The following RTN1 variants were observed in gnomAD, a reference collection of about 807,000 sequenced individuals.
RTN1 encodes reticulon 1.
A neutral mutation model predicts 65.5 loss-of-function variants in RTN1; 25 were observed. The observed-to-expected ratio is 0.38, with a 90% CI of 0.28 to 0.53. The LOEUF is 0.53. Ranked by LOEUF, RTN1 falls within the 20% of genes least tolerant of loss-of-function variation. RTN1 has a pLI of 0.79. For missense variants in RTN1, 983 were observed against 1,025.4 expected (o/e 0.96, Z 0.57); for synonymous variants, 471 against 447.6 (o/e 1.05, Z -0.66).
chr14:59,867,734 A>G (rs753755058), intron 1 of RTN1, among the ~76,000 whole-genome samples: 1 of 152,218 alleles, frequency 6.6e-6, no homozygotes, highest in Non-Finnish European at 1.5e-5. Flanking sequence ...TCTGTCTTAT[A>G]TTTCCATCTA....
chr14:59,809,712 T>C (rs1886695174), intron 1 of RTN1, among the ~76,000 whole-genome samples: 1 of 152,172 alleles, frequency 6.6e-6, no homozygotes, highest in South Asian at 2.1e-4. Flanking sequence ...GTCACAGGAC[T>C]TTTCATGTGA....
At chr14:59,678,491 G>A (rs766468307) in intron 3 of RTN1, among the ~76,000 whole-genome samples, 7 of 152,252 alleles carry the variant, frequency 4.6e-5, no homozygotes, top group East Asian at 1.9e-4. Context: ...AGGGGCCAGC[G>A]CACTCAGATT....
intron 2 of RTN1, among the ~76,000 whole-genome samples, chr14:59,728,995 T>C (rs1307537492): frequency 1.3e-5 from 2 of 151,934 alleles, no homozygotes; most frequent in Non-Finnish European, 2.9e-5. Context: ...AAAAGTAGAG[T>C]AGGGTAAGGA....
At position 59,668,066 on chromosome 14, in the gene RTN1, C is replaced by G. The variant is rs888058609; in HGVS notation, c.1765+58853G>C. ...TAGATTCAATGTCATCCCCATCAAG[C>G]TAACATTGATTTTCTTCACAGAATT... On this transcript the variant is annotated intron_variant, in intron 3 of 8. Transcript: ENST00000267484. 4.1e-4 allele frequency among the ~76,000 whole-genome samples: 62 copies of G among 152,140 alleles called. 1 individual carries two copies. The highest frequency in any genetic ancestry group is 5.9e-5 in the Non-Finnish European group (4 of 68,032).
chr14:59,789,377 T>A (rs541760546), intron 1 of RTN1, among the ~76,000 whole-genome samples: 1 of 152,288 alleles, frequency 6.6e-6, no homozygotes, highest in South Asian at 2.1e-4. Flanking sequence ...CCTATTCTGG[T>A]AAAAGTTACT....
intron 1 of RTN1, among the ~76,000 whole-genome samples, chr14:59,764,950 G>T (rs1885821895): frequency 6.6e-6 from 1 of 152,012 alleles, no homozygotes; most frequent in Admixed American, 6.5e-5. Flanking sequence ...CAATTCTTTT[G>T]CTATTCTAAA....
chr14:59,709,554 A>G (rs1451704911), intron 3 of RTN1, among the ~76,000 whole-genome samples: 1 of 152,234 alleles, frequency 6.6e-6, no homozygotes. Flanking sequence ...TGGTGGATAA[A>G]ATAGATGAAG....
intron 3 of RTN1, among the ~76,000 whole-genome samples, chr14:59,627,363 GT>G (rs951031969): frequency 1.3e-5 from 2 of 152,206 alleles, no homozygotes; most frequent in Non-Finnish European, 2.9e-5. Flanking sequence ...TACTATCTGT[GT>G]GCCCTTACCA....
In RTN1 at chr14:59,596,649, G is replaced by A. The variant is rs200648947; in HGVS notation, c.*96C>T. 3 of 939,952 alleles carry A rather than the reference G, an allele frequency of 3.2e-6. No individual in the cohort carries two copies. Among genetic ancestry groups the A allele is most frequent in the East Asian group, 4.8e-5 (2 of 41,266 alleles). The allele number at this position is 939,952 out of a possible 1,614,324, so 58.2% of individuals were successfully genotyped here. ...TCTAAGATTATGGTACTGGAGGGAG[G>A]GGGGAAAGACAATCAATTTGCAGTA... On this transcript the variant is annotated 3_prime_UTR_variant, in exon 9 of 9. Transcript: ENST00000267484.
At chr14:59,813,227 T>C (rs1435746518) in intron 1 of RTN1, among the ~76,000 whole-genome samples, 1 of 152,196 alleles carries the variant, frequency 6.6e-6, no homozygotes, top group Non-Finnish European at 1.5e-5. Context: ...TTCTGATGTG[T>C]GTCATATATA....
chr14:59,714,186 GA>G, intron 3 of RTN1, among the ~76,000 whole-genome samples: 1 of 149,726 alleles, frequency 6.7e-6, no homozygotes, highest in African/African-American at 2.4e-5. Flanking sequence ...AGTTAGCCGA[GA>G]TTGTGCCATT....
chr14:59,648,874 C>T (rs1427758077), intron 3 of RTN1, among the ~76,000 whole-genome samples: 1 of 152,158 alleles, frequency 6.6e-6, no homozygotes, highest in Non-Finnish European at 1.5e-5. Flanking sequence ...TGAAAACTGG[C>T]ATAAGACGAG....
chr14:59,683,583 ACTTT>A (rs1013548004), intron 3 of RTN1, among the ~76,000 whole-genome samples: 30 of 152,200 alleles, frequency 2.0e-4, no homozygotes, highest in African/African-American at 6.3e-4. Context: ...ACTTCTGAAA[ACTTT>A]CTTTGTTTTT....
intron 2 of RTN1, among the ~76,000 whole-genome samples, chr14:59,736,041 G>A (rs771230729): frequency 1.4e-4 from 21 of 152,172 alleles, no homozygotes; most frequent in Admixed American, 1.3e-4. Flanking sequence ...AGCTAAAGCA[G>A]TGTTAAGAGG....
chr14:59,838,084 G>A lies in RTN1; in HGVS notation c.241+32306C>T, dbSNP rs538136627. On this transcript the variant is annotated intron_variant, in intron 1 of 8. Coordinates refer to ENST00000267484, the MANE Select transcript of RTN1 (RefSeq NM_021136.3). Reference sequence around the variant, plus strand: ...ATAAGTACCCAATAGGTAGTTTTTCGGCCTTTGCCCCTATCCCTCTCTCTC... The same window carrying A: ...ATAAGTACCCAATAGGTAGTTTTTCAGCCTTTGCCCCTATCCCTCTCTCTC... Among the ~76,000 whole-genome samples the A allele has an allele frequency of 6.6e-5, 10 of 152,168 alleles. No homozygotes were observed. The East Asian group carries it at 1.7e-3, about 26-fold the overall frequency.
chr14:59,658,557 T>C (rs922516922), intron 3 of RTN1, among the ~76,000 whole-genome samples: 5 of 152,206 alleles, frequency 3.3e-5, no homozygotes, highest in Non-Finnish European at 7.3e-5. Flanking sequence ...CAATCTTTGC[T>C]GCTCTGCAGC....
At chr14:59,838,892 T>C (rs543018468) in intron 1 of RTN1, among the ~76,000 whole-genome samples, 1 of 152,314 alleles carries the variant, frequency 6.6e-6, no homozygotes, top group African/African-American at 2.4e-5. Flanking sequence ...CAAAATGTCC[T>C]ATGAATTTGT....
At chr14:59,634,990 C>G (rs1454848326) in intron 3 of RTN1, among the ~76,000 whole-genome samples, 4 of 152,120 alleles carry the variant, frequency 2.6e-5, no homozygotes, top group African/African-American at 9.7e-5. Context: ...GAGAAGTGGA[C>G]TAACACGGGA....
intron 3 of RTN1, among the ~76,000 whole-genome samples, chr14:59,666,618 C>G (rs1425462691): frequency 6.6e-6 from 1 of 151,852 alleles, no homozygotes; most frequent in African/African-American, 2.4e-5. Context: ...GATAGAGACA[C>G]AGAAAACCCT....
Sources: allele counts gnomAD v4.1 joint callset (sites outside exome capture counted in the v4.1 genomes callset), GRCh38; gene constraint gnomAD v4.1.1; transcripts MANE v1.5; gene names NCBI Gene and HGNC (gene_info 2026-07-23, HGNC 2026-07-21).